Variants in SCAF4 observed in about 807,000 individuals in gnomAD.
SCAF4 encodes SR-related CTD associated factor 4, also known as SR-related and CTD-associated factor 4.
A neutral mutation model predicts 129.8 loss-of-function variants in SCAF4; 25 were observed. The observed-to-expected ratio is 0.19, with a 90% confidence interval of 0.14 to 0.27. SCAF4 has a LOEUF of 0.27. Ranked by LOEUF, SCAF4 falls within the 10% of genes least tolerant of loss-of-function variation. SCAF4 has a pLI of 1.00. For synonymous variants in SCAF4, 551 were observed against 497.7 expected (o/e 1.11, Z -1.43); for missense variants, 1,246 against 1,457.1 (o/e 0.86, Z 2.36).
intron 1 of SCAF4, among the ~76,000 whole-genome samples, chr21:31,717,882 TATACACATATATACACATATATAC>T (rs2050965811): frequency 7.2e-5 from 8 of 111,170 alleles, no homozygotes; most frequent in African/African-American, 3.4e-4. Flanking sequence ...TATACACATA[TATACACATATATACACATATATAC>T]ACACACACAC....
intron 19 of SCAF4, among the ~76,000 whole-genome samples, chr21:31,681,091 T>C (rs1362216660): frequency 6.6e-6 from 1 of 152,226 alleles, no homozygotes; most frequent in Non-Finnish European, 1.5e-5. Context: ...CACCAACTTG[T>C]TACTCTTGCT....
intron 19 of SCAF4, chr21:31,684,371 T>G (rs1052325131): frequency 6.6e-5 from 10 of 152,258 alleles, no homozygotes; most frequent in South Asian, 2.1e-4. Flanking sequence ...TATTCATAAC[T>G]TAAGCAGGCA....
At chr21:31,717,647 T>C (rs193263434) in intron 1 of SCAF4, among the ~76,000 whole-genome samples, 37 of 152,074 alleles carry the variant, frequency 2.4e-4, no homozygotes, top group Admixed American at 2.4e-3. Context: ...AGTTACTATG[T>C]TTAAATCAGT....
At chr21:31,708,342 T>C (rs1196711423) in intron 1 of SCAF4, among the ~76,000 whole-genome samples, 1 of 145,482 alleles carries the variant, frequency 6.9e-6, no homozygotes, top group Non-Finnish European at 1.5e-5. Context: ...ATCGCGCCAC[T>C]GCACGCCAGG....
In SCAF4 at chr21:31,671,968, G is replaced by GT. The variant is rs1313634454; in HGVS notation, c.2874dup (p.Pro959ThrfsTer26). The GT allele has an allele frequency of 6.2e-7, 1 of 1,610,866 alleles. No homozygotes were observed. Among genetic ancestry groups the GT allele is most frequent in the African/African-American group, 1.3e-5 (1 of 74,958 alleles). ...GGCTGCTGCTGCTGCTGCTGCTGTG[G>GT]TTGCTGGGGCGCCTGCGGCTGTGGC... On this transcript the variant is annotated frameshift_variant, in exon 20 of 20. Transcript: ENST00000286835. LOFTEE classifies it high-confidence loss of function.
intron 1 of SCAF4, among the ~76,000 whole-genome samples, chr21:31,722,576 AGT>A (rs1202204164): frequency 6.6e-6 from 1 of 152,230 alleles, no homozygotes; most frequent in Non-Finnish European, 1.5e-5. Context: ...GAATATCAAA[AGT>A]GGTTATCAAA....
At chr21:31,705,716 G>C (rs1483231485) in intron 2 of SCAF4, among the ~76,000 whole-genome samples, 2 of 152,114 alleles carry the variant, frequency 1.3e-5, no homozygotes. Flanking sequence ...AAACCTTCAT[G>C]AAGCAGAATA....
intron 19 of SCAF4, among the ~76,000 whole-genome samples, chr21:31,673,625 A>G (rs1052089971): frequency 1.7e-4 from 26 of 152,234 alleles, no homozygotes; most frequent in Non-Finnish European, 3.2e-4. Context: ...ATAGAAATAA[A>G]ACACTCTTCA....
chr21:31,678,975 A>C (rs1184241626), intron 19 of SCAF4, among the ~76,000 whole-genome samples: 3 of 152,198 alleles, frequency 2.0e-5, no homozygotes, highest in Non-Finnish European at 2.9e-5. Context: ...GTTATTGATT[A>C]GATATTTATT....
chr21:31,717,842 T>TATAC (rs547466352), intron 1 of SCAF4, among the ~76,000 whole-genome samples: 2,158 of 114,288 alleles, frequency 0.019, 36 homozygotes, highest in Admixed American at 0.059. Context: ...TATATATATA[T>TATAC]ACACACACAC....
intron 1 of SCAF4, among the ~76,000 whole-genome samples, chr21:31,714,279 A>G (rs1457918487): frequency 6.6e-6 from 1 of 152,146 alleles, no homozygotes; most frequent in African/African-American, 2.4e-5. Flanking sequence ...ATTCACAATT[A>G]ATGTTATCTG....
intron 8 of SCAF4, 73 bp from the exon 9 acceptor site, chr21:31,696,294 AGAGTGTTGTTCAT>A: frequency 8.6e-7 from 1 of 1,167,304 alleles, no homozygotes; most frequent in Non-Finnish European, 1.3e-6. Context: ...TTACAGAAAC[AGAGTGTTGTTCAT>A]GAGTCATTAA....
chr21:31,684,893 A>C (rs1385510947), intron 19 of SCAF4, 156 bp downstream of exon 19: 1 of 563,038 alleles, frequency 1.8e-6, no homozygotes, highest in Non-Finnish European at 3.2e-6. Context: ...CTTCCTCAAA[A>C]ACAAACAAAC....
intron 12 of SCAF4, among the ~76,000 whole-genome samples, chr21:31,692,887 A>G (rs2050292983): frequency 6.6e-6 from 1 of 152,306 alleles, no homozygotes; most frequent in East Asian, 1.9e-4. Flanking sequence ...GTTGTGTCCT[A>G]GGTGATAAGC....
intron 1 of SCAF4, among the ~76,000 whole-genome samples, chr21:31,725,590 C>T (rs1463394840): frequency 6.6e-6 from 1 of 152,176 alleles, no homozygotes; most frequent in Non-Finnish European, 1.5e-5. Flanking sequence ...ACCACCTCAG[C>T]ACTGCAGTTC....
intron 1 of SCAF4, among the ~76,000 whole-genome samples, chr21:31,724,301 C>T (rs201575081): frequency 9.9e-5 from 15 of 152,284 alleles, no homozygotes; most frequent in Middle Eastern, 3.4e-3. Flanking sequence ...CCTCTTCTAA[C>T]GCAAATTTAA....
rs146113352 is a variant in SCAF4 at position 31,685,716 on chromosome 21, C to T, written c.2061G>A (p.Pro687=). The change falls in exon 17 of 20, where the codon CCG becomes CCA. Residue 687 remains proline, a synonymous_variant. Coordinates refer to ENST00000286835, the MANE Select transcript of SCAF4 (RefSeq NM_020706.2). The part of the protein sequence containing the change: ...VPPPQVPPHQ[P]GPPVVGALQP... ...GGAGAGCACCAACTACAGGTGGACCCGGTTGATGTGGTGGGACCTAGAAAG... is the reference window on the plus strand; with the variant it reads ...GGAGAGCACCAACTACAGGTGGACCTGGTTGATGTGGTGGGACCTAGAAAG... 1.5e-4 allele frequency: 236 copies of T among 1,601,696 alleles called. 1 individual carries two copies. Among genetic ancestry groups the T allele is most frequent in the African/African-American group, 1.3e-3 (99 of 74,544 alleles).
Position 31,705,995 on chromosome 21 carries a change from G to A in SCAF4, c.114+279C>T, listed in dbSNP as rs933275444. Among the ~76,000 whole-genome samples the A allele has an allele frequency of 3.9e-5, 6 of 152,312 alleles. No homozygotes were observed. The East Asian group carries it at 7.7e-4, about 20-fold the overall frequency. On this transcript the variant is annotated intron_variant, in intron 2 of 19. Transcript: ENST00000286835. ...TCAGGCATGAGAATCACTTGAACCC[G>A]GGAGGGTGAGGTTGCAGTGAGCTGA...
rs1568837113 is a variant in SCAF4, at chr21:31,692,358, T to C, written c.1605A>G (p.Glu535=). Residue 535 remains glutamate, a synonymous_variant, in exon 13 of 20, where the codon GAA becomes GAG. Coordinates refer to ENST00000286835, the MANE Select transcript of SCAF4 (RefSeq NM_020706.2). ...CTGAATAAACACTCACATTAATTGA[T>C]TCAATTGGACCAAACTCTTCCAAGA... ...ASLLEEFGPI[E]SINMIPPRGC... The C allele has an allele frequency of 1.9e-6, 3 of 1,611,522 alleles. No homozygotes were observed. The highest frequency in any genetic ancestry group is 1.7e-6 in the Non-Finnish European group (2 of 1,177,682).
Sources: gnomAD v4.1 joint callset for allele counts (sites outside exome capture counted in the v4.1 genomes callset) on GRCh38, gnomAD v4.1.1 for gene constraint, MANE v1.5 for transcripts, NCBI Gene and HGNC (gene_info 2026-07-23, HGNC 2026-07-21) for gene names.